PRKN: variants seen among roughly 807,000 people sequenced by gnomAD.
PRKN encodes the protein parkin RBR E3 ubiquitin protein ligase, also known as E3 ubiquitin-protein ligase parkin.
In PRKN, 56 loss-of-function variants were observed where a neutral mutation model predicts 59.5. The ratio of observed to expected loss-of-function variants is 0.94; its 90% CI spans 0.76 to 1.18. The LOEUF (loss-of-function observed/expected upper bound fraction) is 1.18. PRKN is among the 50% of genes most tolerant of loss of function. The pLI is 0.00. For synonymous variants in PRKN, 250 were observed against 222.1 expected, an observed-to-expected ratio of 1.13 and a Z score of -1.12; for missense variants, 657 against 596.4, an observed-to-expected ratio of 1.10 and a Z score of -1.06.
At chr6:162,593,994 C>T (rs544019574) in intron 1 of PRKN, among the ~76,000 whole-genome samples, 68 of 152,054 alleles carry the variant, frequency 4.5e-4, no homozygotes, top group African/African-American at 1.5e-3. Context: ...ACTAAAAATA[C>T]GAAAAATTAG....
intron 1 of PRKN, among the ~76,000 whole-genome samples, chr6:162,514,553 G>A (rs993226814): frequency 6.6e-6 from 1 of 152,166 alleles, no homozygotes; most frequent in African/African-American, 2.4e-5. Flanking sequence ...CAAAAGTCTG[G>A]CCGTGATGGC....
Position 162,248,976 on chromosome 6 carries a change from T to G in PRKN, c.412+13549A>C, listed in dbSNP as rs576942177. On this transcript the variant is annotated intron_variant, in intron 3 of 11. Transcript: ENST00000366898. ...TCACTGCCACCTCCACCTTCCAGGT[T>G]CAGTGGATTCTCCTGCCTCAGCCTC... Among the ~76,000 whole-genome samples the G allele has an allele frequency of 6.6e-5, 10 of 152,120 alleles. No individual in the cohort carries two copies. The East Asian group carries it at 1.9e-3, about 30-fold the overall frequency.
intron 7 of PRKN, among the ~76,000 whole-genome samples, chr6:161,657,959 T>G (rs895626604): frequency 4.3e-5 from 6 of 138,374 alleles, no homozygotes; most frequent in Admixed American, 1.6e-4. Flanking sequence ...GAGGTTGCAG[T>G]GAGTGAAGAT....
intron 4 of PRKN, among the ~76,000 whole-genome samples, chr6:162,091,114 T>A (rs199698563): frequency 1.0e-4 from 1 of 9,760 alleles, no homozygotes; most frequent in African/African-American, 1.0e-3. Flanking sequence ...TTGCTATCCT[T>A]TTTTTTTTTT....
Position 161,356,247 on chromosome 6 carries a change from G to GC in PRKN, c.1285+3840dup, listed in dbSNP as rs199721183. 6.2e-3 allele frequency among the ~76,000 whole-genome samples: 941 copies of GC among 152,334 alleles called. 7 individuals carry two copies. The highest frequency in any genetic ancestry group is 0.022 in the African/African-American group (896 of 41,584). On this transcript the variant is annotated intron_variant, in intron 11 of 11. Transcript: ENST00000366898. The surrounding 1 kb of genome is among the most constrained non-coding windows in gnomAD (Gnocchi z 7.8). ...CGAGAGATGGGATGGTGTTGACAGT[G>GC]CCCCCCAACAGGAGGGCAGGGGTCT...
At chr6:162,212,590 T>A (rs148470493) in intron 3 of PRKN, among the ~76,000 whole-genome samples, 1 of 152,324 alleles carries the variant, frequency 6.6e-6, no homozygotes, top group African/African-American at 2.4e-5. Context: ...GTATTCTTCA[T>A]TGCCTCTATA....
chr6:162,056,663 C>A lies in PRKN; in HGVS notation c.535-2489G>T, dbSNP rs752380599. On this transcript the variant is annotated intron_variant, in intron 4 of 11. Coordinates refer to ENST00000366898, the MANE Select transcript of PRKN (RefSeq NM_004562.3). This position sits in a 1 kb window ranked among gnomAD's most constrained non-coding sequence, Gnocchi z 4.9. Reference sequence around the variant, plus strand: ...CATCTGGGAATGTGAATTTTGGAAGCGTCCACATCATTCCCTTACTGCTAC... The same window carrying A: ...CATCTGGGAATGTGAATTTTGGAAGAGTCCACATCATTCCCTTACTGCTAC... Among the ~76,000 whole-genome samples, 2 of 152,188 alleles carry A rather than the reference C, an allele frequency of 1.3e-5. No homozygotes were observed. Among genetic ancestry groups the A allele is most frequent in the African/African-American group, 4.8e-5 (2 of 41,446 alleles).
At position 162,011,464 on chromosome 6, in the gene PRKN, T is replaced by A. The variant is rs1186746158; in HGVS notation, c.619-38047A>T. Among the ~76,000 whole-genome samples, 2 of 23,034 alleles carry A rather than the reference T, an allele frequency of 8.7e-5. 1 individual carries two copies. The highest frequency in any genetic ancestry group is 1.2e-4 in the Non-Finnish European group (2 of 16,158). 15.1% of individuals were successfully genotyped at this position (23,034 alleles called of 152,430 possible). A position where few individuals can be genotyped will look rare whatever the true frequency, so the allele number is the denominator to read the frequency against. ...ATATTTATAATATATAATATATATA[T>A]TATAATATATAATATATTATAATAT... On this transcript the variant is annotated intron_variant, in intron 5 of 11. Transcript: ENST00000366898.
chr6:162,449,928 T>C (rs1401672059), intron 1 of PRKN, among the ~76,000 whole-genome samples: 1 of 152,152 alleles, frequency 6.6e-6, no homozygotes, highest in African/African-American at 2.4e-5. Flanking sequence ...TACAGTTACG[T>C]AAAGGGAGTG....
intron 2 of PRKN, among the ~76,000 whole-genome samples, chr6:162,328,594 G>A (rs539689260): frequency 2.9e-4 from 44 of 152,324 alleles, no homozygotes; most frequent in African/African-American, 9.6e-4. Context: ...CCGTGCAGAC[G>A]TATCTTATAA....
intron 7 of PRKN, among the ~76,000 whole-genome samples, chr6:161,619,981 C>CTTT (rs71004058): frequency 2.5e-3 from 155 of 63,158 alleles, no homozygotes; most frequent in Admixed American, 3.4e-3. Context: ...ACACATTATT[C>CTTT]TTTTTTTTTT....
intron 7 of PRKN, among the ~76,000 whole-genome samples, chr6:161,621,784 G>C (rs1782910036): frequency 6.6e-6 from 1 of 152,124 alleles, no homozygotes; most frequent in African/African-American, 2.4e-5. Flanking sequence ...TAACCTTGCT[G>C]GTCACCCATA....
chr6:161,361,740 T>C lies in PRKN; in HGVS notation c.1168-1535A>G, dbSNP rs1784983543. On this transcript the variant is annotated intron_variant, in intron 10 of 11. Transcript: ENST00000366898. The surrounding 1 kb of genome is among the most constrained non-coding windows in gnomAD (Gnocchi z 5.2). ...AACTGCCAGGGTGTCACGTGATTTGTGAATACTTTGCTAGAATAACGTGGA... is the reference window on the plus strand; with the variant it reads ...AACTGCCAGGGTGTCACGTGATTTGCGAATACTTTGCTAGAATAACGTGGA... 6.6e-6 allele frequency among the ~76,000 whole-genome samples: 1 copy of C among 152,174 alleles called. No homozygotes were observed. Among genetic ancestry groups the C allele is most frequent in the African/African-American group, 2.4e-5 (1 of 41,440 alleles).
chr6:162,626,549 C>G (rs1782904159), intron 1 of PRKN, among the ~76,000 whole-genome samples: 1 of 152,176 alleles, frequency 6.6e-6, no homozygotes, highest in Middle Eastern at 3.4e-3. Flanking sequence ...GGTATGGTGG[C>G]TCAGGCCTGT....
rs1344647240 is a variant in PRKN at position 162,696,279 on chromosome 6, T to C, written c.7+31383A>G. Among the ~76,000 whole-genome samples, 6 of 152,232 alleles carry C rather than the reference T, an allele frequency of 3.9e-5. No homozygotes were observed. The East Asian group carries it at 1.2e-3, about 30-fold the overall frequency. ...CCGTTTTTGAGACCAGGATGTTCAA[T>C]TCGAAATCCTAAGAATGATGTGCTT... On this transcript the variant is annotated intron_variant, in intron 1 of 11. Transcript: ENST00000366898.
intron 4 of PRKN, among the ~76,000 whole-genome samples, chr6:162,184,897 G>C (rs953016804): frequency 6.6e-6 from 1 of 152,006 alleles, no homozygotes; most frequent in Non-Finnish European, 1.5e-5. Context: ...TTAACAATAC[G>C]AGTTTCTGTC....
intron 6 of PRKN, among the ~76,000 whole-genome samples, chr6:161,808,824 T>C (rs1791442661): frequency 1.3e-5 from 2 of 152,110 alleles, no homozygotes; most frequent in South Asian, 4.2e-4. Flanking sequence ...AGTCATATTC[T>C]GGTATTTTGT....
At chr6:161,809,411 C>T (rs1423225747) in intron 6 of PRKN, among the ~76,000 whole-genome samples, 1 of 151,744 alleles carries the variant, frequency 6.6e-6, no homozygotes, top group African/African-American at 2.4e-5. Flanking sequence ...GTTTAGATAA[C>T]AATGTTAAGA....
At position 162,262,783 on chromosome 6, in the gene PRKN, A is replaced by G. The variant is rs778021436; in HGVS notation, c.172-18T>C. On this transcript the variant is annotated intron_variant, in intron 2 of 11. Coordinates refer to ENST00000366898, the MANE Select transcript of PRKN (RefSeq NM_004562.3). The stretch of plus-strand genomic sequence containing the variant: ...TCACAATTCTGTTTGGGAGCAAGGT[A>G]AAAAAAAAAAAAAAAAAAAAGGAAA... 4 of 163,386 alleles carry G rather than the reference A, an allele frequency of 2.4e-5. No individual in the cohort carries two copies. The highest frequency in any genetic ancestry group is 4.7e-5 in the Non-Finnish European group (4 of 85,080). 10.1% of individuals were successfully genotyped at this position (163,386 alleles called of 1,614,324 possible).
Sources: gnomAD v4.1 joint callset for allele counts (sites outside exome capture counted in the v4.1 genomes callset) on GRCh38, gnomAD v4.1.1 for gene constraint, Gnocchi (gnomAD v3.1) non-coding constraint, MANE v1.5 for transcripts, NCBI Gene and HGNC (gene_info 2026-07-23, HGNC 2026-07-21) for gene names.